The following CSMD3 variants were observed in gnomAD, a reference collection of about 807,000 sequenced individuals.
CSMD3 encodes the protein CUB and Sushi multiple domains 3.
Under a neutral mutation model 435.2 loss-of-function variants are expected in CSMD3, and 177 were observed. The observed-to-expected ratio is 0.41, with a 90% CI of 0.36 to 0.46. CSMD3 has a LOEUF of 0.46. Ranked by LOEUF, CSMD3 falls within the 20% of genes least tolerant of loss-of-function variation. CSMD3 has a pLI of 0.34. For synonymous variants in CSMD3, 1,656 were observed against 1,520.5 expected (o/e 1.09, Z -2.07); for missense variants, 4,265 against 4,504.6 (o/e 0.95, Z 1.52).
chr8:112,947,722 C>T (rs2130797011), intron 9 of CSMD3, 68 bp downstream of exon 9: 4 of 744,462 alleles, frequency 5.4e-6, no homozygotes, highest in Admixed American at 1.8e-5. Flanking sequence ...TTATTAGCTA[C>T]TTTAAAGATT....
intron 32 of CSMD3, among the ~76,000 whole-genome samples, chr8:112,459,880 T>G (rs1258529208): frequency 1.3e-5 from 2 of 152,162 alleles, no homozygotes; most frequent in East Asian, 3.8e-4. Flanking sequence ...GCCATATCTC[T>G]ACATCTTTCC....
At chr8:113,023,692 C>T (rs2086769009) in intron 5 of CSMD3, among the ~76,000 whole-genome samples, 1 of 152,046 alleles carries the variant, frequency 6.6e-6, no homozygotes, top group Non-Finnish European at 1.5e-5. Flanking sequence ...CTCAGGAAAA[C>T]CAGACAAAGT....
At chr8:113,108,353 G>A (rs186052286) in intron 4 of CSMD3, among the ~76,000 whole-genome samples, 23 of 151,994 alleles carry the variant, frequency 1.5e-4, no homozygotes, top group Middle Eastern at 6.8e-3. Flanking sequence ...GCTTGAACCC[G>A]GGAGGTGGAG....
intron 32 of CSMD3, among the ~76,000 whole-genome samples, chr8:112,450,270 C>T (rs1406717751): frequency 6.6e-6 from 1 of 152,118 alleles, no homozygotes; most frequent in Non-Finnish European, 1.5e-5. Context: ...AAGAACCATA[C>T]TATCAAAGGT....
At chr8:112,445,287 G>T (rs894383897) in intron 32 of CSMD3, among the ~76,000 whole-genome samples, 2 of 152,006 alleles carry the variant, frequency 1.3e-5, no homozygotes, top group African/African-American at 4.8e-5. Flanking sequence ...AATAAGAAAG[G>T]GAGAAATTTT....
At position 112,535,004 on chromosome 8, in the gene CSMD3, T is replaced by A. The variant is rs1322269203; in HGVS notation, c.4564+15667A>T. 3.3e-5 allele frequency among the ~76,000 whole-genome samples: 5 copies of A among 152,120 alleles called. No homozygotes were observed. The East Asian group carries it at 9.7e-4, about 29-fold the overall frequency. ...AACCCTTCATGCTAAAAACTCTCAATAAATTAGGTATTGATGGGACATATC... is the reference window on the plus strand; with the variant it reads ...AACCCTTCATGCTAAAAACTCTCAAAAAATTAGGTATTGATGGGACATATC... On this transcript the variant is annotated intron_variant, in intron 27 of 70. Coordinates refer to ENST00000297405, the MANE Select transcript of CSMD3 (RefSeq NM_198123.2).
chr8:113,207,451 G>A (rs956369016), intron 3 of CSMD3, among the ~76,000 whole-genome samples: 4 of 150,610 alleles, frequency 2.7e-5, no homozygotes, highest in Non-Finnish European at 3.0e-5. Context: ...GCGCGATCTC[G>A]GCTCACTGCA....
chr8:112,852,055 G>T (rs940526533), intron 11 of CSMD3, among the ~76,000 whole-genome samples: 1 of 152,186 alleles, frequency 6.6e-6, no homozygotes, highest in Non-Finnish European at 1.5e-5. Context: ...AAGTTATTTT[G>T]GTGGGTTTCA....
intron 22 of CSMD3, among the ~76,000 whole-genome samples, chr8:112,625,305 T>A (rs1020550656): frequency 2.6e-5 from 4 of 152,062 alleles, no homozygotes; most frequent in Non-Finnish European, 4.4e-5. Context: ...CATCAAGTCA[T>A]CTCAAACATC....
chr8:113,321,012 C>T (rs951678957), intron 1 of CSMD3, among the ~76,000 whole-genome samples: 10 of 152,028 alleles, frequency 6.6e-5, no homozygotes, highest in African/African-American at 2.4e-4. Flanking sequence ...CTCTAGTCCC[C>T]TCTTTGTTTT....
chr8:112,972,200 T>C (rs2084683272), intron 7 of CSMD3, among the ~76,000 whole-genome samples: 2 of 151,836 alleles, frequency 1.3e-5, no homozygotes, highest in Non-Finnish European at 2.9e-5. Flanking sequence ...GAACCATTAA[T>C]GATCAAAAGA....
rs2131189303 is a variant in CSMD3 at position 112,550,751 on chromosome 8, T to C, written c.4484A>G (p.His1495Arg). 2 of 1,604,570 alleles carry C rather than the reference T, an allele frequency of 1.2e-6. No individual in the cohort carries two copies. Among genetic ancestry groups the C allele is most frequent in the Non-Finnish European group, 1.7e-6 (2 of 1,171,628 alleles). The stretch of plus-strand genomic sequence containing the variant: ...GATGGTTACTATATTGAGGGTGCTA[T>C]GAATTCCTTCAGGAATAAGAGATCC... ...ISGSLIPEGI[H>R]STLNIVTIQF... is the part of the protein sequence containing the mutation. Residue 1495 changes from histidine (H) to arginine (R), a missense_variant, in exon 27 of 71, where the codon CAT becomes CGT. This residue lies in a region of CSMD3 where 3,255 missense variants were observed against 3,380.2 expected (regional missense o/e 0.96). Coordinates refer to ENST00000297405, the MANE Select transcript of CSMD3 (RefSeq NM_198123.2).
chr8:112,609,070 C>T (rs377552977), intron 22 of CSMD3, among the ~76,000 whole-genome samples: 13 of 151,396 alleles, frequency 8.6e-5, no homozygotes, highest in South Asian at 6.3e-4. Context: ...CACATGGTGG[C>T]GCATGCCTGT....
intron 36 of CSMD3, among the ~76,000 whole-genome samples, chr8:112,389,681 C>T (rs543232137): frequency 3.3e-5 from 5 of 152,090 alleles, no homozygotes; most frequent in Admixed American, 6.5e-5. Context: ...GGCATCTTGG[C>T]TAATTTTTCC....
intron 7 of CSMD3, among the ~76,000 whole-genome samples, chr8:112,969,837 G>A (rs946954584): frequency 6.6e-6 from 1 of 151,980 alleles, no homozygotes; most frequent in African/African-American, 2.4e-5. Flanking sequence ...TAATGCTAAA[G>A]CAAAATACAG....
At chr8:113,014,826 A>G (rs1003620728) in intron 6 of CSMD3, among the ~76,000 whole-genome samples, 7 of 152,164 alleles carry the variant, frequency 4.6e-5, no homozygotes, top group African/African-American at 1.7e-4. Flanking sequence ...ACACGTGCTC[A>G]TGCACATGTG....
chr8:113,015,851 C>A (rs1402789218), intron 6 of CSMD3, among the ~76,000 whole-genome samples: 1 of 151,578 alleles, frequency 6.6e-6, no homozygotes, highest in Non-Finnish European at 1.5e-5. Flanking sequence ...ATACTAATGA[C>A]CAAGTGACAA....
At chr8:113,415,094 T>C (rs969816816) in intron 1 of CSMD3, among the ~76,000 whole-genome samples, 1 of 152,190 alleles carries the variant, frequency 6.6e-6, no homozygotes, top group Non-Finnish European at 1.5e-5. Context: ...GAAGAAGCTA[T>C]GTTGCAATTT....
At chr8:113,246,235 C>T (rs891666442) in intron 3 of CSMD3, among the ~76,000 whole-genome samples, 3 of 151,960 alleles carry the variant, frequency 2.0e-5, no homozygotes, top group Admixed American at 6.6e-5. Context: ...TTATTGTGTA[C>T]CACAAGTCTC....
Sources: allele counts gnomAD v4.1 joint callset (sites outside exome capture counted in the v4.1 genomes callset), GRCh38; gene constraint gnomAD v4.1.1; regional missense constraint gnomAD v4.1.1; transcripts MANE v1.5; gene names NCBI Gene and HGNC (gene_info 2026-07-23, HGNC 2026-07-21).